The following FAM89A variants were observed in gnomAD, a reference collection of about 807,000 sequenced individuals.
FAM89A encodes protein FAM89A.
Under a neutral mutation model 7.1 loss-of-function variants are expected in FAM89A, and 10 were observed. The ratio of observed to expected loss-of-function variants is 1.40; its 90% CI spans 0.86 to 2.38. The LOEUF (loss-of-function observed/expected upper bound fraction) is 2.38, where lower values mean the gene tolerates loss of function less well. FAM89A is among the 30% of genes most tolerant of loss of function. The pLI is 0.00. For missense variants in FAM89A, 276 were observed against 262.8 expected, an observed-to-expected ratio of 1.05 and a Z score of -0.35; for synonymous variants, 157 against 129.3, an observed-to-expected ratio of 1.21 and a Z score of -1.45.
intron 1 of FAM89A, chr1:231,026,700 G>C (rs930700779): frequency 6.6e-6 from 1 of 152,046 alleles, no homozygotes; most frequent in Non-Finnish European, 1.5e-5. Context: ...ACTAACACCC[G>C]TGGCCTTTCC....
intron 1 of FAM89A, among the ~76,000 whole-genome samples, chr1:231,028,195 G>A (rs923535196): frequency 2.6e-5 from 4 of 152,340 alleles, no homozygotes; most frequent in African/African-American, 7.2e-5. Flanking sequence ...CAGACTGAAC[G>A]GGCAGCCGCC....
intron 1 of FAM89A, 73 bp downstream of exon 1, chr1:231,039,848 C>G (rs1680227993): frequency 8.0e-7 from 1 of 1,255,140 alleles, no homozygotes; most frequent in Non-Finnish European, 1.0e-6. Context: ...CCGGACAGAG[C>G]GCGGTCCCCG....
At chr1:231,038,590 T>C (rs1015672768) in intron 1 of FAM89A, among the ~76,000 whole-genome samples, 2 of 152,270 alleles carry the variant, frequency 1.3e-5, no homozygotes, top group Non-Finnish European at 2.9e-5. Flanking sequence ...GAATGTTTTT[T>C]AATAAATTAA....
intron 1 of FAM89A, among the ~76,000 whole-genome samples, chr1:231,035,630 G>A (rs1680147173): frequency 6.6e-6 from 1 of 152,090 alleles, no homozygotes; most frequent in Non-Finnish European, 1.5e-5. Context: ...GTGTGCCAGG[G>A]GTCCCAGCTG....
chr1:231,040,052 A>G lies in FAM89A; in HGVS notation c.160T>C (p.Tyr54His), dbSNP rs1680234106. 2.1e-6 allele frequency: 3 copies of G among 1,446,520 alleles called. No individual in the cohort carries two copies. The highest frequency in any genetic ancestry group is 2.7e-6 in the Non-Finnish European group (3 of 1,102,698). The allele number at this position is 1,446,520 out of a possible 1,614,324, so 89.6% of individuals were successfully genotyped here. The change falls in exon 1 of 2, where the codon TAC becomes CAC. Residue 54 changes from tyrosine (Y) to histidine (H), a missense_variant. Physicochemically the swap from Tyr to His is moderately conservative, Grantham distance 83. Coordinates refer to ENST00000366654, the MANE Select transcript of FAM89A (RefSeq NM_198552.3). ...TCCTGGATGCGCGACTTCTGCGCGT[A>G]CAGCCGCTCCAGGTGCCGCCAGCCC... ...SGGWRHLERL[Y>H]AQKSRIQDEL...
At chr1:231,032,986 G>C (rs1272950732) in intron 1 of FAM89A, among the ~76,000 whole-genome samples, 2 of 152,240 alleles carry the variant, frequency 1.3e-5, no homozygotes, top group South Asian at 4.1e-4. Context: ...AGTGAACAGA[G>C]AGTGCCCACA....
chr1:231,033,271 A>C (rs1327136150), intron 1 of FAM89A, among the ~76,000 whole-genome samples: 1 of 152,250 alleles, frequency 6.6e-6, no homozygotes, highest in African/African-American at 2.4e-5. Flanking sequence ...CTGAGCAGCC[A>C]GCCTCGGGGG....
intron 1 of FAM89A, among the ~76,000 whole-genome samples, chr1:231,024,520 G>GCACGCACACA (rs6143665): frequency 1.4e-5 from 2 of 144,438 alleles, no homozygotes; most frequent in African/African-American, 2.6e-5. Context: ...TACATTGCAT[G>GCACGCACACA]CACACACACA....
rs114899745 is a variant in FAM89A at position 231,027,882 on chromosome 1, C to T, written c.292-7756G>A. Among the ~76,000 whole-genome samples the T allele has an allele frequency of 7.8e-4, 119 of 152,372 alleles. 1 individual carries two copies. In the Middle Eastern group the frequency reaches 0.014, roughly 17 times the overall value. ...TCAGCCAGTGTTCATCCTTTGCCCT[C>T]GGCGTCTCCACCTGTCTTAGGACAT... On this transcript the variant is annotated intron_variant, in intron 1 of 1. Transcript: ENST00000366654.
In FAM89A at chr1:231,019,107, A is replaced by C. The variant is rs1359401306; in HGVS notation, c.*756T>G. 3 of 152,018 alleles carry C rather than the reference A, an allele frequency of 2.0e-5. No homozygotes were observed. The highest frequency in any genetic ancestry group is 4.4e-5 in the Non-Finnish European group (3 of 68,030). The allele number at this position is 152,018 out of a possible 1,614,324, so 9.4% of individuals were successfully genotyped here. A position where few individuals can be genotyped will look rare whatever the true frequency, so the allele number is the denominator to read the frequency against. The stretch of plus-strand genomic sequence containing the variant: ...CACACTAGTTTACATTCGGAATCTT[A>C]AAAATGAAAACATTTGCCATCTTAC... On this transcript the variant is annotated 3_prime_UTR_variant, in exon 2 of 2. Transcript: ENST00000366654.
chr1:231,028,551 T>G (rs1406925805), intron 1 of FAM89A: 1 of 152,166 alleles, frequency 6.6e-6, no homozygotes. Context: ...TCGCATGCCC[T>G]TGGAGGACGG....
intron 1 of FAM89A, among the ~76,000 whole-genome samples, chr1:231,031,560 A>G (rs1680069892): frequency 6.6e-6 from 1 of 152,214 alleles, no homozygotes; most frequent in African/African-American, 2.4e-5. Flanking sequence ...CACATTTGTC[A>G]ATATCACCAT....
intron 1 of FAM89A, among the ~76,000 whole-genome samples, chr1:231,031,575 T>C (rs1680070054): frequency 6.6e-6 from 1 of 152,194 alleles, no homozygotes; most frequent in African/African-American, 2.4e-5. Context: ...CACCATCATA[T>C]AATTATGGAC....
intron 1 of FAM89A, among the ~76,000 whole-genome samples, chr1:231,023,502 G>A (rs12747577): frequency 0.035 from 5,401 of 152,258 alleles, 169 homozygotes; most frequent in African/African-American, 0.082. Context: ...CAGCCTTTTC[G>A]TGTGAAACAT....
chr1:231,025,202 G>A (rs142662639), intron 1 of FAM89A, among the ~76,000 whole-genome samples: 7,183 of 152,170 alleles, frequency 0.047, 200 homozygotes, highest in South Asian at 0.099. Flanking sequence ...GATTACAGGC[G>A]TGAGCCACCG....
chr1:231,025,530 T>C (rs1463894683), intron 1 of FAM89A, among the ~76,000 whole-genome samples: 1 of 152,146 alleles, frequency 6.6e-6, no homozygotes, highest in Non-Finnish European at 1.5e-5. Flanking sequence ...ATACCTTGAA[T>C]AGGCAAGCAA....
intron 1 of FAM89A, chr1:231,022,263 A>G (rs1679892560): frequency 2.5e-6 from 2 of 791,206 alleles, no homozygotes. Context: ...CTGAGCTCAA[A>G]AAGACTGTTT....
chr1:231,029,032 G>C (rs945372753), intron 1 of FAM89A, among the ~76,000 whole-genome samples: 7 of 152,230 alleles, frequency 4.6e-5, no homozygotes, highest in Non-Finnish European at 1.0e-4. Flanking sequence ...AGTATCTCTG[G>C]AGGCTGCATG....
chr1:231,022,725 AGT>A (rs1214958454), intron 1 of FAM89A, among the ~76,000 whole-genome samples: 1 of 152,224 alleles, frequency 6.6e-6, no homozygotes, highest in Non-Finnish European at 1.5e-5. Context: ...ATTGATCTGC[AGT>A]GATTTCTGCA....
Sources: allele counts gnomAD v4.1 joint callset (sites outside exome capture counted in the v4.1 genomes callset), GRCh38; gene constraint gnomAD v4.1.1; transcripts MANE v1.5; gene names NCBI Gene and HGNC (gene_info 2026-07-23, HGNC 2026-07-21).